BICC1: variants seen among roughly 807,000 people sequenced by gnomAD.
BICC1 encodes protein bicaudal C homolog 1.
In BICC1, 43 loss-of-function variants were observed where a neutral mutation model predicts 111.0. That is an observed-to-expected ratio of 0.39 (90% CI 0.30 to 0.50). The LOEUF (loss-of-function observed/expected upper bound fraction) is 0.50, where lower values mean the gene tolerates loss of function less well. BICC1 is among the 20% of genes least tolerant of loss of function. The pLI, the probability that BICC1 is intolerant of heterozygous loss-of-function variation, is 0.88. For missense variants in BICC1, 1,091 were observed against 1,203.2 expected (o/e 0.91, Z 1.38); for synonymous variants, 467 against 434.4 (o/e 1.07, Z -0.93).
intron 1 of BICC1, among the ~76,000 whole-genome samples, chr10:58,608,871 A>G (rs1052855892): frequency 9.2e-5 from 14 of 152,228 alleles, no homozygotes; most frequent in Non-Finnish European, 5.9e-5. Flanking sequence ...ATACATAAGT[A>G]TTTTAGCATA....
rs762839203 is a variant in BICC1, at chr10:58,830,006, T to C, written c.*1115T>C. 8 of 152,100 alleles carry C rather than the reference T, an allele frequency of 5.3e-5. No homozygotes were observed. The highest frequency in any genetic ancestry group is 8.8e-5 in the Non-Finnish European group (6 of 68,022). 9.4% of individuals were successfully genotyped at this position (152,100 alleles called of 1,614,324 possible). A position where few individuals can be genotyped will look rare whatever the true frequency, so the allele number is the denominator to read the frequency against. On this transcript the variant is annotated 3_prime_UTR_variant, in exon 21 of 21. Transcript: ENST00000373886. ...GAAATAGATTACAATCCTTATCATG[T>C]ACACGTTAGCTATGTTCCGTATGGC...
intron 2 of BICC1, among the ~76,000 whole-genome samples, chr10:58,636,507 C>T (rs1837957374): frequency 6.6e-6 from 1 of 152,006 alleles, no homozygotes; most frequent in Non-Finnish European, 1.5e-5. Flanking sequence ...TGAGATAGGG[C>T]CTAGGAAGTA....
chr10:58,759,255 T>C (rs1156429828), intron 3 of BICC1, among the ~76,000 whole-genome samples: 2 of 152,054 alleles, frequency 1.3e-5, no homozygotes, highest in South Asian at 2.1e-4. Context: ...CAACCACACC[T>C]GGCCTGATCA....
intron 20 of BICC1, among the ~76,000 whole-genome samples, chr10:58,828,078 C>T (rs926019465): frequency 6.6e-6 from 1 of 152,142 alleles, no homozygotes; most frequent in Non-Finnish European, 1.5e-5. Context: ...ATGTGTTAAT[C>T]AACTTACTGG....
intron 2 of BICC1, among the ~76,000 whole-genome samples, chr10:58,671,450 G>A (rs1839182195): frequency 6.6e-6 from 1 of 152,050 alleles, no homozygotes; most frequent in Non-Finnish European, 1.5e-5. Flanking sequence ...AGACACAAAA[G>A]ACATTGACAA....
At chr10:58,823,777 TA>T in intron 20 of BICC1, 1 of 985,352 alleles carries the variant, frequency 1.0e-6, no homozygotes, top group Non-Finnish European at 1.2e-6. Flanking sequence ...TTGAAGATGA[TA>T]AAACTTTTCC....
intron 1 of BICC1, among the ~76,000 whole-genome samples, chr10:58,552,675 T>C (rs1408903081): frequency 6.6e-6 from 1 of 152,166 alleles, no homozygotes; most frequent in African/African-American, 2.4e-5. Context: ...TCATATAGTA[T>C]TTTGACCAGA....
chr10:58,726,219 T>A (rs1841099847), intron 3 of BICC1, among the ~76,000 whole-genome samples: 1 of 152,206 alleles, frequency 6.6e-6, no homozygotes, highest in African/African-American at 2.4e-5. Context: ...CAGATAAGAC[T>A]ACCCACAATG....
chr10:58,788,348 T>G (rs1006471918), intron 5 of BICC1, 22 bp from the exon 6 acceptor site: 4 of 1,571,408 alleles, frequency 2.5e-6, no homozygotes, highest in East Asian at 2.2e-5. Flanking sequence ...AAATCTAACT[T>G]TGTATTTTCC....
intron 3 of BICC1, among the ~76,000 whole-genome samples, chr10:58,726,838 A>G (rs1194157227): frequency 6.6e-6 from 1 of 152,214 alleles, no homozygotes; most frequent in African/African-American, 2.4e-5. Context: ...TTGATGGGAA[A>G]TATCTTTTAA....
At chr10:58,534,352 G>GCTTCTTT (rs1842771308) in intron 1 of BICC1, among the ~76,000 whole-genome samples, 4 of 151,614 alleles carry the variant, frequency 2.6e-5, no homozygotes, top group African/African-American at 9.7e-5. Context: ...GCAGTGGGCG[G>GCTTCTTT]CAGCCTATAC....
rs1212233563 is a variant in BICC1 at position 58,535,612 on chromosome 10, A to G, written c.190+22279A>G. On this transcript the variant is annotated intron_variant, in intron 1 of 20. Transcript: ENST00000373886. Reference sequence around the variant, plus strand: ...ATCTTGAAAGAAAAGATTGATACACACCAGGATAGAAACCTCTGAAAACAT... The same window carrying G: ...ATCTTGAAAGAAAAGATTGATACACGCCAGGATAGAAACCTCTGAAAACAT... Among the ~76,000 whole-genome samples, 9 of 151,846 alleles carry G rather than the reference A, an allele frequency of 5.9e-5. No homozygotes were observed. The East Asian group carries it at 1.4e-3, about 23-fold the overall frequency.
Position 58,659,199 on chromosome 10 carries a change from G to A in BICC1, c.237+38298G>A, listed in dbSNP as rs113577484. Among the ~76,000 whole-genome samples the A allele has an allele frequency of 7.8e-4, 119 of 152,220 alleles. 1 individual carries two copies. The highest frequency in any genetic ancestry group is 6.8e-3 in the South Asian group (33 of 4,822). On this transcript the variant is annotated intron_variant, in intron 2 of 20. Transcript: ENST00000373886. ...AAGCAGTTTGGTGATTTTTCAAAGA[G>A]CTCAATACCATTCAACCCAGCAATC...
chr10:58,556,122 C>T (rs569244377), intron 1 of BICC1, among the ~76,000 whole-genome samples: 16 of 152,018 alleles, frequency 1.1e-4, no homozygotes, highest in South Asian at 1.0e-3. Context: ...AGGGTGATTG[C>T]GAAAGTTATA....
At chr10:58,546,593 G>A (rs1321639342) in intron 1 of BICC1, among the ~76,000 whole-genome samples, 2 of 152,120 alleles carry the variant, frequency 1.3e-5, no homozygotes, top group African/African-American at 4.8e-5. Context: ...CTGAGGCATC[G>A]TTGGTGAAGT....
chr10:58,742,285 T>A (rs1186817420), intron 3 of BICC1, among the ~76,000 whole-genome samples: 1 of 152,176 alleles, frequency 6.6e-6, no homozygotes, highest in African/African-American at 2.4e-5. Flanking sequence ...ACTCATTTTC[T>A]TTTCAGAGAA....
chr10:58,588,335 G>A (rs1226626542), intron 1 of BICC1, among the ~76,000 whole-genome samples: 1 of 152,180 alleles, frequency 6.6e-6, no homozygotes, highest in Non-Finnish European at 1.5e-5. Flanking sequence ...GATACATCTG[G>A]TGGTGGGAGC....
intron 2 of BICC1, among the ~76,000 whole-genome samples, chr10:58,626,923 G>A (rs571927872): frequency 6.6e-6 from 1 of 152,242 alleles, no homozygotes; most frequent in East Asian, 1.9e-4. Flanking sequence ...TGACCAACAT[G>A]GAGAAACCCC....
Position 58,672,309 on chromosome 10 carries a change from T to G in BICC1, c.238-29765T>G, listed in dbSNP as rs535203573. Among the ~76,000 whole-genome samples, 3 of 152,274 alleles carry G rather than the reference T, an allele frequency of 2.0e-5. No individual in the cohort carries two copies. The East Asian group carries it at 5.8e-4, about 29-fold the overall frequency. ...TTTCTTCTCTCTCATTCAGACTTACTGGAGTAAGTCTCTCAGTAGATTTAC... is the reference window on the plus strand; with the variant it reads ...TTTCTTCTCTCTCATTCAGACTTACGGGAGTAAGTCTCTCAGTAGATTTAC... On this transcript the variant is annotated intron_variant, in intron 2 of 20. Coordinates refer to ENST00000373886, the MANE Select transcript of BICC1 (RefSeq NM_001080512.3).
Sources: allele counts gnomAD v4.1 joint callset (sites outside exome capture counted in the v4.1 genomes callset), GRCh38; gene constraint gnomAD v4.1.1; transcripts MANE v1.5; gene names NCBI Gene and HGNC (gene_info 2026-07-23, HGNC 2026-07-21).